SFMBT2: variants seen among roughly 807,000 people sequenced by gnomAD.
The protein encoded by SFMBT2 is scm-like with four MBT domains protein 2.
In SFMBT2, 38 loss-of-function variants were observed where a neutral mutation model predicts 110.1. That is an observed-to-expected ratio of 0.35 (90% CI 0.27 to 0.45). The LOEUF is 0.45. Ranked by LOEUF, SFMBT2 falls within the 20% of genes least tolerant of loss-of-function variation. The pLI is 1.00. For missense variants in SFMBT2, 1,011 were observed against 1,094.9 expected, an observed-to-expected ratio of 0.92 and a Z score of 1.08; for synonymous variants, 425 against 425.4, an observed-to-expected ratio of 1.00 and a Z score of 0.01.
intron 16 of SFMBT2, among the ~76,000 whole-genome samples, chr10:7,182,724 G>C (rs942146687): frequency 1.5e-5 from 2 of 134,006 alleles, no homozygotes; most frequent in Non-Finnish European, 3.2e-5. Context: ...TTGTGGGGTG[G>C]GGGAGGGGGG....
At chr10:7,323,590 C>T (rs1843272899) in intron 4 of SFMBT2, among the ~76,000 whole-genome samples, 1 of 151,008 alleles carries the variant, frequency 6.6e-6, no homozygotes, top group Admixed American at 6.6e-5. Context: ...GTGGTTTTTT[C>T]AATCTGAAGT....
intron 1 of SFMBT2, among the ~76,000 whole-genome samples, chr10:7,403,989 A>G (rs1345566269): frequency 6.6e-6 from 1 of 152,216 alleles, no homozygotes; most frequent in African/African-American, 2.4e-5. Context: ...GAAATGATAC[A>G]TGCTTGAGGT....
At chr10:7,284,763 A>G (rs1264699521) in intron 5 of SFMBT2, 10 of 197,882 alleles carry the variant, frequency 5.1e-5, no homozygotes, top group Non-Finnish European at 7.3e-5. Context: ...TAATTGGTTT[A>G]CAGAATGTAT....
chr10:7,291,243 C>T lies in SFMBT2; in HGVS notation c.437-5289G>A, dbSNP rs146484652. ...ACAATGAAGAGAAAGGCCATTTTCA[C>T]TCACACTCTAGCCCACAGGAAGGGA... On this transcript the variant is annotated intron_variant, in intron 4 of 20. Coordinates refer to ENST00000397167, the MANE Select transcript of SFMBT2 (RefSeq NM_001387889.1). Among the ~76,000 whole-genome samples the T allele has an allele frequency of 3.3e-5, 5 of 152,336 alleles. No individual in the cohort carries two copies. The East Asian group carries it at 9.7e-4, about 29-fold the overall frequency.
intron 15 of SFMBT2, among the ~76,000 whole-genome samples, chr10:7,190,822 G>C (rs961214865): frequency 6.6e-6 from 1 of 152,160 alleles, no homozygotes; most frequent in Non-Finnish European, 1.5e-5. Flanking sequence ...GTTTGGCTGT[G>C]ACCCCACCCA....
At chr10:7,410,471 G>C (rs962274609) in intron 1 of SFMBT2, among the ~76,000 whole-genome samples, 12 of 152,242 alleles carry the variant, frequency 7.9e-5, no homozygotes, top group African/African-American at 2.9e-4. Context: ...TGGGCGGCGG[G>C]AGGGGACAGG....
chr10:7,225,281 A>C (rs1839866242), intron 10 of SFMBT2, among the ~76,000 whole-genome samples: 1 of 152,234 alleles, frequency 6.6e-6, no homozygotes, highest in Non-Finnish European at 1.5e-5. Context: ...TTTATTTACC[A>C]AGCATTTTAC....
intron 11 of SFMBT2, among the ~76,000 whole-genome samples, chr10:7,210,756 A>T (rs1839320108): frequency 6.6e-6 from 1 of 152,222 alleles, no homozygotes; most frequent in South Asian, 2.1e-4. Flanking sequence ...CCTATCAAGA[A>T]GCCCAGCGCG....
rs1840530412 is a variant in SFMBT2, at chr10:7,244,146, CT to C, written c.973-442del. ...AGAATCTCCAAGATCTGGCTTGGAG[CT>C]TTCTAGCCTCCTCCTGCACCTTTTC... On this transcript the variant is annotated intron_variant, in intron 8 of 20. Coordinates refer to ENST00000397167, the MANE Select transcript of SFMBT2 (RefSeq NM_001387889.1). The C allele has an allele frequency of 1.3e-5, 4 of 301,644 alleles. No homozygotes were observed. In the South Asian group the frequency reaches 5.1e-4, roughly 38 times the overall value. The allele number at this position is 301,644 out of a possible 1,614,324, so 18.7% of individuals were successfully genotyped here. A position where few individuals can be genotyped will look rare whatever the true frequency, so the allele number is the denominator to read the frequency against.
Position 7,170,805 on chromosome 10 carries a change from C to T in SFMBT2, c.2544+123G>A. On this transcript the variant is annotated intron_variant, in intron 20 of 20. Transcript: ENST00000397167. This position sits in a 1 kb window ranked among gnomAD's most constrained non-coding sequence, Gnocchi z 4.6. The stretch of plus-strand genomic sequence containing the variant: ...CTTGGAGGGAGAAGGGTCTCGCACA[C>T]CTGCCGAGCAGCGCCGAAGAACCCC... 1 of 1,189,348 alleles carries T rather than the reference C, an allele frequency of 8.4e-7. No individual in the cohort carries two copies. Among genetic ancestry groups the T allele is most frequent in the Non-Finnish European group, 1.2e-6 (1 of 837,904 alleles). 73.7% of individuals were successfully genotyped at this position (1,189,348 alleles called of 1,614,324 possible).
intron 1 of SFMBT2, among the ~76,000 whole-genome samples, chr10:7,383,455 G>A (rs548059943): frequency 1.3e-5 from 2 of 152,188 alleles, no homozygotes; most frequent in African/African-American, 4.8e-5. Flanking sequence ...GAATGTACCA[G>A]GTACATAGCA....
chr10:7,215,443 T>C (rs1211224161), intron 11 of SFMBT2: 1 of 593,864 alleles, frequency 1.7e-6, no homozygotes, highest in Non-Finnish European at 2.1e-6. Flanking sequence ...AAATGTTTCC[T>C]ATGGTCTTGA....
intron 8 of SFMBT2, among the ~76,000 whole-genome samples, chr10:7,246,458 C>G (rs1236531307): frequency 6.6e-6 from 1 of 151,448 alleles, no homozygotes; most frequent in Non-Finnish European, 1.5e-5. Context: ...CAGTGGCTCA[C>G]GCCTATAATC....
intron 1 of SFMBT2, among the ~76,000 whole-genome samples, chr10:7,391,194 G>C (rs1376650251): frequency 6.6e-6 from 1 of 152,032 alleles, no homozygotes; most frequent in African/African-American, 2.4e-5. Context: ...GTGGCTGGGC[G>C]TGGTGGCTCA....
intron 4 of SFMBT2, among the ~76,000 whole-genome samples, chr10:7,342,025 C>T (rs533445129): frequency 1.1e-4 from 16 of 151,872 alleles, no homozygotes; most frequent in African/African-American, 3.9e-4. Flanking sequence ...AAGTTGAAGA[C>T]CTTCATTAAT....
intron 14 of SFMBT2, 32 bp from the exon 15 acceptor site, chr10:7,197,719 G>A (rs923893561): frequency 6.2e-7 from 1 of 1,608,914 alleles, no homozygotes; most frequent in Non-Finnish European, 8.5e-7. Context: ...TCCATGCTTA[G>A]GACCACAGCC....
intron 4 of SFMBT2, among the ~76,000 whole-genome samples, chr10:7,359,160 G>T (rs867269579): frequency 6.6e-6 from 1 of 152,230 alleles, no homozygotes; most frequent in African/African-American, 2.4e-5. Flanking sequence ...GTGCCCGGGG[G>T]CCTTGTCTGT....
intron 7 of SFMBT2, among the ~76,000 whole-genome samples, chr10:7,271,627 G>A (rs887563076): frequency 5.9e-5 from 9 of 152,172 alleles, no homozygotes; most frequent in African/African-American, 2.2e-4. Flanking sequence ...TGAAAGATGA[G>A]TAGGACTTTA....
chr10:7,402,970 T>G (rs1049452476), intron 1 of SFMBT2, among the ~76,000 whole-genome samples: 2 of 152,196 alleles, frequency 1.3e-5, no homozygotes, highest in Non-Finnish European at 2.9e-5. Flanking sequence ...TTACCTACAT[T>G]CAGGGGGAGA....
Sources: allele counts gnomAD v4.1 joint callset (sites outside exome capture counted in the v4.1 genomes callset), GRCh38; gene constraint gnomAD v4.1.1; non-coding constraint Gnocchi (gnomAD v3.1); transcripts MANE v1.5; gene names NCBI Gene and HGNC (gene_info 2026-07-23, HGNC 2026-07-21).